The following GALNT13 variants were observed in gnomAD, a reference collection of about 807,000 sequenced individuals.
The protein encoded by GALNT13 is UDP-GalNAc:polypeptide N-acetylgalactosaminyltransferase 13.
Under a neutral mutation model 64.2 loss-of-function variants are expected in GALNT13, and 28 were observed. That is an observed-to-expected ratio of 0.44 (90% CI 0.32 to 0.60). The LOEUF (loss-of-function observed/expected upper bound fraction) is 0.60, where lower values mean the gene tolerates loss of function less well. GALNT13 is among the 20% of genes least tolerant of loss of function. GALNT13 has a pLI of 0.05. For synonymous variants in GALNT13, 214 were observed against 224.6 expected (o/e 0.95, Z 0.42); for missense variants, 577 against 669.8 (o/e 0.86, Z 1.53).
intron 1 of GALNT13, among the ~76,000 whole-genome samples, chr2:153,873,575 AGAG>A (rs1012170556): frequency 6.6e-6 from 1 of 152,182 alleles, no homozygotes. Context: ...TGTTGCTAGC[AGAG>A]GAGAGGAGCT....
At chr2:154,209,781 G>A (rs539766189) in intron 4 of GALNT13, among the ~76,000 whole-genome samples, 1 of 152,084 alleles carries the variant, frequency 6.6e-6, no homozygotes, top group South Asian at 2.1e-4. Context: ...TGTGATCTTT[G>A]ATATATGTAC....
At chr2:153,810,540 C>A in the GALNT13 span, among the ~76,000 whole-genome samples, 1 of 151,930 alleles carries the variant, frequency 6.6e-6, no homozygotes, top group Admixed American at 6.6e-5. Context: ...TGTTATTTTA[C>A]AATTGTACCC....
the GALNT13 span, among the ~76,000 whole-genome samples, chr2:153,270,635 C>T: frequency 6.6e-6 from 1 of 152,094 alleles, no homozygotes; most frequent in African/African-American, 2.4e-5. Context: ...CCGAGGTGGG[C>T]AGATTGCTTG....
chr2:154,217,373 A>G (rs764620473), intron 4 of GALNT13, among the ~76,000 whole-genome samples: 87 of 152,170 alleles, frequency 5.7e-4, no homozygotes, highest in Non-Finnish European at 1.0e-3. Context: ...TTCATTTAGA[A>G]ACCTGCCTAA....
the GALNT13 span, among the ~76,000 whole-genome samples, chr2:153,767,326 C>A: frequency 2.0e-5 from 3 of 152,028 alleles, no homozygotes; most frequent in Non-Finnish European, 2.9e-5. Context: ...TGTATAGATA[C>A]AATATTTTCT....
intron 3 of GALNT13, among the ~76,000 whole-genome samples, chr2:153,950,245 AT>A (rs1469867400): frequency 6.6e-6 from 1 of 151,860 alleles, no homozygotes; most frequent in African/African-American, 2.4e-5. Flanking sequence ...TATATATAAA[AT>A]TTTTTCTATA....
In GALNT13 at chr2:154,409,082, G is replaced by A. The variant is rs768841497; in HGVS notation, c.1395G>A (p.Gln465=). 6.3e-7 allele frequency: 1 copy of A among 1,576,364 alleles called. No individual in the cohort carries two copies. Residue 465 remains glutamine (Q), a splice_region_variant and synonymous_variant, in exon 11 of 13, where the codon CAG becomes CAA. Coordinates refer to ENST00000392825, the MANE Select transcript of GALNT13 (RefSeq NM_052917.4). ...ACTGTCATGGTATGGGAGGAAATCA[G>A]GTAAACTCTCCCTTTTTATCAGCTT... is the stretch of plus-strand genomic sequence containing the variant. The part of the protein sequence containing the change: ...IFNCHGMGGN[Q]VFSYTADKEI...
the GALNT13 span, among the ~76,000 whole-genome samples, chr2:153,393,746 T>A: frequency 6.6e-6 from 1 of 152,010 alleles, no homozygotes; most frequent in Non-Finnish European, 1.5e-5. Context: ...AATCAGTTGA[T>A]GGCCTTAGGA....
the GALNT13 span, among the ~76,000 whole-genome samples, chr2:153,434,168 T>C: frequency 6.6e-6 from 1 of 152,212 alleles, no homozygotes; most frequent in East Asian, 1.9e-4. Context: ...CTCATCATTT[T>C]TTATGGCTGC....
At chr2:153,919,184 T>A (rs1689591362) in intron 2 of GALNT13, among the ~76,000 whole-genome samples, 1 of 152,044 alleles carries the variant, frequency 6.6e-6, no homozygotes, top group Non-Finnish European at 1.5e-5. Flanking sequence ...TCTACAAGAT[T>A]CTTTATGGCA....
chr2:153,766,292 T>C, the GALNT13 span, among the ~76,000 whole-genome samples: 2 of 152,212 alleles, frequency 1.3e-5, no homozygotes, highest in Admixed American at 6.5e-5. Context: ...ATAACTTTTT[T>C]CTATGTCTTT....
chr2:153,351,341 A>C, the GALNT13 span, among the ~76,000 whole-genome samples: 2 of 152,140 alleles, frequency 1.3e-5, no homozygotes, highest in Non-Finnish European at 2.9e-5. Context: ...CCTCAGCAAA[A>C]TTGGGCAGAA....
chr2:153,329,917 G>A, the GALNT13 span, among the ~76,000 whole-genome samples: 3 of 152,108 alleles, frequency 2.0e-5, no homozygotes, highest in Admixed American at 6.6e-5. Flanking sequence ...GAGGTCTTAC[G>A]TATGAATGTT....
chr2:153,556,092 T>A, the GALNT13 span, among the ~76,000 whole-genome samples: 1 of 152,350 alleles, frequency 6.6e-6, no homozygotes, highest in South Asian at 2.1e-4. Context: ...TTCAGGCATC[T>A]TTAATATTTT....
the GALNT13 span, among the ~76,000 whole-genome samples, chr2:153,723,550 A>G: frequency 6.6e-6 from 1 of 151,314 alleles, no homozygotes; most frequent in African/African-American, 2.4e-5. Flanking sequence ...TTTATCTAGA[A>G]AACCCCATCG....
intron 3 of GALNT13, among the ~76,000 whole-genome samples, chr2:154,035,404 G>A (rs6761180): frequency 0.2 from 31,023 of 151,808 alleles, 4,088 homozygotes; most frequent in Middle Eastern, 0.33. Flanking sequence ...AATTAACCCC[G>A]GAAGTAAGTT....
At chr2:153,126,817 T>C in the GALNT13 span, among the ~76,000 whole-genome samples, 1 of 152,202 alleles carries the variant, frequency 6.6e-6, no homozygotes, top group Admixed American at 6.5e-5. Flanking sequence ...GCTAATCTCA[T>C]CTTCATTCAG....
chr2:153,480,500 C>T, the GALNT13 span, among the ~76,000 whole-genome samples: 21 of 152,038 alleles, frequency 1.4e-4, no homozygotes, highest in South Asian at 4.2e-3. Context: ...TTCTAGTTTC[C>T]CATAATTTAA....
chr2:153,959,385 C>G (rs993074125), intron 3 of GALNT13, among the ~76,000 whole-genome samples: 1 of 152,186 alleles, frequency 6.6e-6, no homozygotes, highest in Admixed American at 6.5e-5. Flanking sequence ...ACCAAGTGTA[C>G]TGCCTTAATT....
Sources: gnomAD v4.1 joint callset for allele counts (sites outside exome capture counted in the v4.1 genomes callset) on GRCh38, gnomAD v4.1.1 for gene constraint, MANE v1.5 for transcripts, NCBI Gene and HGNC (gene_info 2026-07-23, HGNC 2026-07-21) for gene names.